The following DLG2 variants were observed in gnomAD, a reference collection of about 807,000 sequenced individuals.
DLG2 encodes disks large homolog 2.
Under a neutral mutation model 132.5 loss-of-function variants are expected in DLG2, and 45 were observed. The observed-to-expected ratio is 0.34, with a 90% CI of 0.27 to 0.44. DLG2 has a LOEUF of 0.44. DLG2 is among the 20% of genes least tolerant of loss of function. DLG2 has a pLI of 1.00. For synonymous variants in DLG2, 424 were observed against 419.6 expected (o/e 1.01, Z -0.13); for missense variants, 1,045 against 1,196.9 (o/e 0.87, Z 1.87).
At chr11:83,780,052 A>G (rs2094749124) in intron 18 of DLG2, among the ~76,000 whole-genome samples, 1 of 152,204 alleles carries the variant, frequency 6.6e-6, no homozygotes, top group Admixed American at 6.5e-5. Flanking sequence ...GACTTTAAAA[A>G]TCTTTCCTGG....
intron 15 of DLG2, among the ~76,000 whole-genome samples, chr11:83,918,130 G>A: frequency 6.6e-6 from 1 of 152,174 alleles, no homozygotes; most frequent in East Asian, 1.9e-4. Context: ...TAGGGAAAGA[G>A]AGAGGGCTCC....
intron 7 of DLG2, among the ~76,000 whole-genome samples, chr11:84,258,948 C>T (rs1212538234): frequency 6.6e-6 from 1 of 152,128 alleles, no homozygotes; most frequent in African/African-American, 2.4e-5. Flanking sequence ...TTCCAGTTAA[C>T]CTATTTCTCA....
rs532824031 is a variant in DLG2 at position 84,876,119 on chromosome 11, C to T, written c.357+235542G>A. Among the ~76,000 whole-genome samples the T allele has an allele frequency of 1.1e-4, 16 of 152,228 alleles. No homozygotes were observed. The South Asian group carries it at 3.3e-3, about 32-fold the overall frequency. On this transcript the variant is annotated intron_variant, in intron 6 of 27. Transcript: ENST00000376104. ...CCAGAATTCTATGTTTTAGATGAAG[C>T]CCTTGAAAATGAGACAAGTTAAGCA...
intron 19 of DLG2, among the ~76,000 whole-genome samples, chr11:83,566,571 C>T (rs531328331): frequency 2.0e-5 from 3 of 152,072 alleles, no homozygotes; most frequent in African/African-American, 4.8e-5. Context: ...GATTTAAATA[C>T]ACCTACCACA....
chr11:85,565,228 C>T (rs2153224448), intron 3 of DLG2, among the ~76,000 whole-genome samples: 1 of 152,124 alleles, frequency 6.6e-6, no homozygotes, highest in African/African-American at 2.4e-5. Context: ...TCCCTTACTA[C>T]ACTGGCTAGG....
intron 6 of DLG2, among the ~76,000 whole-genome samples, chr11:84,791,692 T>C (rs995646664): frequency 6.6e-6 from 1 of 152,224 alleles, no homozygotes; most frequent in African/African-American, 2.4e-5. Flanking sequence ...ATTTTATTTA[T>C]GGCTACTACA....
rs535213116 is a variant in DLG2, at chr11:84,613,839, A to T, written c.358-79108T>A. 2.6e-5 allele frequency among the ~76,000 whole-genome samples: 4 copies of T among 152,302 alleles called. No individual in the cohort carries two copies. The South Asian group carries it at 8.3e-4, about 32-fold the overall frequency. On this transcript the variant is annotated intron_variant, in intron 6 of 27. Transcript: ENST00000376104. ...AAGAGCAGCTAATGATCACACTTAG[A>T]GAACTCACATCAGAAAGTACATTCT...
intron 18 of DLG2, among the ~76,000 whole-genome samples, chr11:83,666,348 A>T (rs1036712312): frequency 2.0e-5 from 3 of 152,094 alleles, no homozygotes; most frequent in African/African-American, 7.2e-5. Flanking sequence ...GCACAGCAGG[A>T]GGTGAGTGGT....
intron 7 of DLG2, among the ~76,000 whole-genome samples, chr11:84,324,270 G>A (rs1022958219): frequency 3.9e-5 from 6 of 151,994 alleles, no homozygotes; most frequent in Admixed American, 3.9e-4. Context: ...TTTTGCATAT[G>A]ATTATTCTGT....
chr11:83,553,450 A>C (rs1347739056), intron 19 of DLG2, among the ~76,000 whole-genome samples: 1 of 151,312 alleles, frequency 6.6e-6, no homozygotes, highest in East Asian at 1.9e-4. Context: ...AAGCCCTCAG[A>C]TCAGTACCTG....
At chr11:83,999,608 C>G (rs1256594478) in intron 11 of DLG2, among the ~76,000 whole-genome samples, 2 of 152,138 alleles carry the variant, frequency 1.3e-5, no homozygotes, top group East Asian at 3.9e-4. Flanking sequence ...TACTGGGGCT[C>G]AAGAACAGAC....
At chr11:83,480,345 TA>T (rs2093001022) in intron 22 of DLG2, 1 of 1,531,286 alleles carries the variant, frequency 6.5e-7, no homozygotes, top group African/African-American at 1.4e-5. Context: ...GCAAAGAAAA[TA>T]ACCGCAAACC....
At chr11:85,252,456 C>T (rs2076443863) in intron 4 of DLG2, among the ~76,000 whole-genome samples, 1 of 152,086 alleles carries the variant, frequency 6.6e-6, no homozygotes, top group South Asian at 2.1e-4. Context: ...CATGGTGGCA[C>T]ACACCTGTAG....
intron 6 of DLG2, among the ~76,000 whole-genome samples, chr11:84,594,019 T>C (rs967299444): frequency 1.3e-5 from 2 of 151,692 alleles, no homozygotes; most frequent in Middle Eastern, 3.2e-3. Flanking sequence ...TGCCAATACA[T>C]TTTTTTTAAT....
intron 6 of DLG2, among the ~76,000 whole-genome samples, chr11:84,938,824 A>T (rs1015886473): frequency 6.6e-6 from 1 of 152,208 alleles, no homozygotes; most frequent in Non-Finnish European, 1.5e-5. Context: ...TTCATCTTAT[A>T]TAAGAACATT....
At chr11:85,311,198 T>C (rs534540684) in intron 3 of DLG2, among the ~76,000 whole-genome samples, 1 of 152,358 alleles carries the variant, frequency 6.6e-6, no homozygotes, top group South Asian at 2.1e-4. Flanking sequence ...CAACTCTTCA[T>C]CTATATCGAT....
At chr11:83,552,432 CTA>C (rs1156907285) in intron 19 of DLG2, among the ~76,000 whole-genome samples, 1 of 152,036 alleles carries the variant, frequency 6.6e-6, no homozygotes, top group African/African-American at 2.4e-5. Context: ...CTCATATGTG[CTA>C]TGTTAGGAAT....
At chr11:84,478,603 C>T (rs1269307460) in intron 7 of DLG2, among the ~76,000 whole-genome samples, 1 of 152,054 alleles carries the variant, frequency 6.6e-6, no homozygotes, top group Non-Finnish European at 1.5e-5. Context: ...GAGAGTAGAA[C>T]TTCTGGATGA....
chr11:85,465,319 T>G (rs1420582293), intron 3 of DLG2, among the ~76,000 whole-genome samples: 2 of 151,746 alleles, frequency 1.3e-5, no homozygotes, highest in Non-Finnish European at 2.9e-5. Flanking sequence ...TTTTTTTTAA[T>G]TATACTTTAA....
Sources: gnomAD v4.1 joint callset for allele counts (sites outside exome capture counted in the v4.1 genomes callset) on GRCh38, gnomAD v4.1.1 for gene constraint, MANE v1.5 for transcripts, NCBI Gene and HGNC (gene_info 2026-07-23, HGNC 2026-07-21) for gene names.